The following CYB5D2 variants were observed in gnomAD, a reference collection of about 807,000 sequenced individuals.
CYB5D2 encodes the protein neuferricin.
A neutral mutation model predicts 22.8 loss-of-function variants in CYB5D2; 23 were observed. That is an observed-to-expected ratio of 1.01 (90% CI 0.73 to 1.43). The LOEUF (loss-of-function observed/expected upper bound fraction) is 1.43, where lower values mean the gene tolerates loss of function less well. CYB5D2 is among the 40% of genes most tolerant of loss of function. The pLI, the probability that CYB5D2 is intolerant of heterozygous loss-of-function variation, is 0.00. For synonymous variants in CYB5D2, 170 were observed against 152.2 expected (o/e 1.12, Z -0.86); for missense variants, 373 against 357.2 (o/e 1.04, Z -0.36).
intron 2 of CYB5D2, among the ~76,000 whole-genome samples, chr17:4,153,400 G>A (rs907591840): frequency 6.6e-6 from 1 of 152,174 alleles, no homozygotes; most frequent in African/African-American, 2.4e-5. Context: ...CCCCGTGAAC[G>A]AGGGGGGACG....
chr17:4,149,904 C>T lies in CYB5D2; in HGVS notation c.264C>T (p.Ser88=). ...TCTCTGTTCCAGGCCGAGACGCATCCAGAGCTTTCGTGACCGGGGACTGTT... is the reference window on the plus strand; with the variant it reads ...TCTCTGTTCCAGGCCGAGACGCATCTAGAGCTTTCGTGACCGGGGACTGTT... ...HYSGFAGRDA[S]RAFVTGDCSE... The change falls in exon 2 of 4, where the codon TCC becomes TCT. Residue 88 remains serine (S), a synonymous_variant. Transcript: ENST00000301391. 1 of 1,614,024 alleles carries T rather than the reference C, an allele frequency of 6.2e-7. No individual in the cohort carries two copies. Among genetic ancestry groups the T allele is most frequent in the Non-Finnish European group, 8.5e-7 (1 of 1,179,940 alleles).
intron 1 of CYB5D2, among the ~76,000 whole-genome samples, chr17:4,146,451 C>T (rs1040543711): frequency 2.0e-5 from 3 of 151,860 alleles, no homozygotes; most frequent in African/African-American, 4.8e-5. Context: ...AGTGCAGTGG[C>T]GCAATCTTGG....
chr17:4,149,347 G>A (rs972261876), intron 1 of CYB5D2, among the ~76,000 whole-genome samples: 1 of 152,196 alleles, frequency 6.6e-6, no homozygotes, highest in Admixed American at 6.5e-5. Context: ...CAGGCCAAGG[G>A]AAGTGGTCAG....
At chr17:4,146,010 G>T (rs1219599090) in intron 1 of CYB5D2, among the ~76,000 whole-genome samples, 2 of 152,196 alleles carry the variant, frequency 1.3e-5, no homozygotes, top group African/African-American at 4.8e-5. Flanking sequence ...TGTTGGCCAG[G>T]CCGGTCTTGA....
Position 4,157,209 on chromosome 17 carries a change from A to G in CYB5D2, c.*127A>G. On this transcript the variant is annotated 3_prime_UTR_variant, in exon 4 of 4. Coordinates refer to ENST00000301391, the MANE Select transcript of CYB5D2 (RefSeq NM_144611.4). This position sits in a 1 kb window ranked among gnomAD's most constrained non-coding sequence, Gnocchi z 4.4. ...GAGGGTCTGGAAGGACTCTGGCTATATTCTGCAAATGTGGCTCATGCCCCT... is the reference window on the plus strand; with the variant it reads ...GAGGGTCTGGAAGGACTCTGGCTATGTTCTGCAAATGTGGCTCATGCCCCT... 1 of 1,097,332 alleles carries G rather than the reference A, an allele frequency of 9.1e-7. No homozygotes were observed. Among genetic ancestry groups the G allele is most frequent in the Non-Finnish European group, 1.3e-6 (1 of 768,406 alleles). The allele number at this position is 1,097,332 out of a possible 1,614,324, so 68.0% of individuals were successfully genotyped here.
chr17:4,143,959 C>A lies in CYB5D2; in HGVS notation c.204C>A (p.Ser68=), dbSNP rs750357806. The A allele has an allele frequency of 5.0e-6, 8 of 1,612,710 alleles. No homozygotes were observed. In the South Asian group the frequency reaches 8.8e-5, roughly 18 times the overall value. ...TCGGCCGTGTCTACGATGTGTCCTC[C>A]GGCCGGAGGCACTACGAGCCTGGGT... ...ALLGRVYDVS[S]GRRHYEPGSH... is the part of the protein sequence containing the mutation. Residue 68 remains serine (S), a synonymous_variant, in exon 1 of 4, where the codon TCC becomes TCA. Transcript: ENST00000301391.
At position 4,151,298 on chromosome 17, in the gene CYB5D2, C is replaced by T. The variant is rs561951065; in HGVS notation, c.391+1267C>T. 3.9e-5 allele frequency among the ~76,000 whole-genome samples: 6 copies of T among 152,272 alleles called. No individual in the cohort carries two copies. The South Asian group carries it at 6.2e-4, about 16-fold the overall frequency. On this transcript the variant is annotated intron_variant, in intron 2 of 3. Coordinates refer to ENST00000301391, the MANE Select transcript of CYB5D2 (RefSeq NM_144611.4). ...GAAGGCACTGACCTCTACTCACCTG[C>T]GCTTCAGAGGGCTGGGTTCTTCCCT...
intron 2 of CYB5D2, among the ~76,000 whole-genome samples, chr17:4,153,850 G>C (rs184480369): frequency 2.0e-5 from 3 of 152,364 alleles, no homozygotes; most frequent in African/African-American, 7.2e-5. Flanking sequence ...GAAAGTCAGG[G>C]AGGGCGTTGG....
intron 3 of CYB5D2, 91 bp downstream of exon 3, chr17:4,154,951 G>A (rs1270724147): frequency 7.4e-7 from 1 of 1,348,076 alleles, no homozygotes; most frequent in African/African-American, 1.5e-5. Context: ...TTCAGGAATT[G>A]ATTGTTAACC....
chr17:4,143,639 G>A lies in CYB5D2; in HGVS notation c.-117G>A, dbSNP rs989901307. Reference sequence around the variant, plus strand: ...TAAGGGAGGGAGCGCGAGCACTAGCGCGCGAGAGAGAGAGCGAGAGCGCGC... The same window carrying A: ...TAAGGGAGGGAGCGCGAGCACTAGCACGCGAGAGAGAGAGCGAGAGCGCGC... On this transcript the variant is annotated 5_prime_UTR_variant, in exon 1 of 4. Transcript: ENST00000301391. The A allele has an allele frequency of 7.1e-7, 1 of 1,412,392 alleles. No homozygotes were observed. The highest frequency in any genetic ancestry group is 9.6e-7 in the Non-Finnish European group (1 of 1,047,100). The allele number at this position is 1,412,392 out of a possible 1,614,324, so 87.5% of individuals were successfully genotyped here.
rs574660888 is a variant in CYB5D2 at position 4,156,595 on chromosome 17, G to GGGGCA, written c.579-262_579-258dup. Among the ~76,000 whole-genome samples, 32 of 152,344 alleles carry GGGGCA rather than the reference G, an allele frequency of 2.1e-4. No individual in the cohort carries two copies. The East Asian group carries it at 5.8e-3, about 28-fold the overall frequency. ...GGAACGTGGTGCTGCCTCCTAAGAA[G>GGGGCA]GGGCAGGGCAGGGGCTGGGGAGCAC... On this transcript the variant is annotated intron_variant, in intron 3 of 3. Coordinates refer to ENST00000301391, the MANE Select transcript of CYB5D2 (RefSeq NM_144611.4).
intron 3 of CYB5D2, 46 bp from the exon 4 acceptor site, chr17:4,156,820 T>C: frequency 1.3e-6 from 2 of 1,599,184 alleles, no homozygotes; most frequent in South Asian, 2.2e-5. Flanking sequence ...TCCCAGAGAC[T>C]CATGAGTTCT....
intron 2 of CYB5D2, among the ~76,000 whole-genome samples, chr17:4,153,248 G>A (rs9904222): frequency 0.083 from 12,612 of 152,114 alleles, 680 homozygotes; most frequent in Non-Finnish European, 0.13. Context: ...GAAAATGACC[G>A]TTAAGCTGAG....
rs1481965460 is a variant in CYB5D2 at position 4,156,763 on chromosome 17, G to T, written c.579-103G>T. ...GCTGCCTTGGGAAACACTCTGGTAG[G>T]CTTCTACTTTTCAGAAGGCCTGGCT... On this transcript the variant is annotated intron_variant, in intron 3 of 3. Transcript: ENST00000301391. 5 of 1,242,656 alleles carry T rather than the reference G, an allele frequency of 4.0e-6. No homozygotes were observed. The East Asian group carries it at 1.0e-4, about 25-fold the overall frequency. The allele number at this position is 1,242,656 out of a possible 1,614,324, so 77.0% of individuals were successfully genotyped here. A position where few individuals can be genotyped will look rare whatever the true frequency, so the allele number is the denominator to read the frequency against.
intron 1 of CYB5D2, among the ~76,000 whole-genome samples, chr17:4,146,260 A>T (rs554745520): frequency 8.3e-4 from 125 of 150,760 alleles, no homozygotes; most frequent in Non-Finnish European, 1.4e-3. Flanking sequence ...TGTCTGGCTA[A>T]TTTTTTTTAT....
rs543727370 is a variant in CYB5D2 at position 4,157,177 on chromosome 17, G to A, written c.*95G>A. 32 of 1,359,870 alleles carry A rather than the reference G, an allele frequency of 2.4e-5. No individual in the cohort carries two copies. The highest frequency in any genetic ancestry group is 2.8e-5 in the Non-Finnish European group (28 of 982,916). 84.2% of individuals were successfully genotyped at this position (1,359,870 alleles called of 1,614,324 possible). A position where few individuals can be genotyped will look rare whatever the true frequency, so the allele number is the denominator to read the frequency against. On this transcript the variant is annotated 3_prime_UTR_variant, in exon 4 of 4. Transcript: ENST00000301391. This position sits in a 1 kb window ranked among gnomAD's most constrained non-coding sequence, Gnocchi z 4.4. ...TGTGCCCTGGGATGCCTCCTGGCGC[G>A]AATCAGGAGGGTCTGGAAGGACTCT...
At chr17:4,150,341 T>C (rs537846111) in intron 2 of CYB5D2, among the ~76,000 whole-genome samples, 22 of 152,308 alleles carry the variant, frequency 1.4e-4, no homozygotes, top group Non-Finnish European at 3.2e-4. Context: ...CCTGTCTCAC[T>C]GTGTTCGATG....
intron 3 of CYB5D2, among the ~76,000 whole-genome samples, chr17:4,155,968 G>C (rs1264887336): frequency 6.6e-6 from 1 of 152,260 alleles, no homozygotes; most frequent in Admixed American, 6.5e-5. Context: ...CCATTAGACT[G>C]AGAGGAACAA....
chr17:4,144,313 T>G (rs1370902225), intron 1 of CYB5D2, among the ~76,000 whole-genome samples: 3 of 144,070 alleles, frequency 2.1e-5, no homozygotes, highest in African/African-American at 7.7e-5. Context: ...TGTGCCGGAC[T>G]TTTGTGGGGG....
Sources: allele counts gnomAD v4.1 joint callset (sites outside exome capture counted in the v4.1 genomes callset), GRCh38; gene constraint gnomAD v4.1.1; non-coding constraint Gnocchi (gnomAD v3.1); transcripts MANE v1.5; gene names NCBI Gene and HGNC (gene_info 2026-07-23, HGNC 2026-07-21).